ADORA2B: variants seen among roughly 807,000 people sequenced by gnomAD.
The protein encoded by ADORA2B is adenosine A2b receptor.
ADORA2B carries 18 observed loss-of-function variants against 20.8 expected under a neutral mutation model. The ratio of observed to expected loss-of-function variants is 0.87; its 90% CI spans 0.60 to 1.29. ADORA2B has a LOEUF of 1.29. Ranked by LOEUF, ADORA2B falls within the 50% of genes most tolerant of loss-of-function variation. The pLI, the probability that ADORA2B is intolerant of heterozygous loss-of-function variation, is 0.00. For missense variants in ADORA2B, 441 were observed against 422.7 expected, an observed-to-expected ratio of 1.04 and a Z score of -0.38; for synonymous variants, 179 against 178.3, an observed-to-expected ratio of 1.00 and a Z score of -0.03.
the ADORA2B span, among the ~76,000 whole-genome samples, chr17:15,910,104 G>C: frequency 6.6e-6 from 1 of 152,104 alleles, no homozygotes; most frequent in Non-Finnish European, 1.5e-5. Flanking sequence ...GCCTGTTAGC[G>C]CTCCTCTGAC....
chr17:15,885,643 G>A, the ADORA2B span, among the ~76,000 whole-genome samples: 1 of 151,932 alleles, frequency 6.6e-6, no homozygotes, highest in South Asian at 2.1e-4. Flanking sequence ...GAACCTGGGA[G>A]GCAGAGGTTG....
At chr17:15,851,679 G>T in the ADORA2B span, among the ~76,000 whole-genome samples, 1 of 152,142 alleles carries the variant, frequency 6.6e-6, no homozygotes, top group African/African-American at 2.4e-5. Flanking sequence ...TAAGGACTTT[G>T]GCAAATACAC....
the ADORA2B span, among the ~76,000 whole-genome samples, chr17:15,893,994 T>A: frequency 6.6e-6 from 1 of 152,218 alleles, no homozygotes; most frequent in African/African-American, 2.4e-5. Flanking sequence ...AAGTTTATTA[T>A]ATGAAAACAG....
At chr17:15,878,729 A>G in the ADORA2B span, among the ~76,000 whole-genome samples, 1 of 152,222 alleles carries the variant, frequency 6.6e-6, no homozygotes, top group African/African-American at 2.4e-5. Flanking sequence ...TCTGATGAAT[A>G]GTTTATCAAT....
rs1597842879 is a variant in ADORA2B at position 15,945,316 on chromosome 17, C to T, written c.68C>T (p.Ala23Val). ...CTGGTCATCGCCGCGCTTTCGGTGG[C>T]GGGCAACGTGCTGGTGTGCGCCGCG... is the stretch of plus-strand genomic sequence containing the variant. ...LELVIAALSV[A>V]GNVLVCAAVG... Residue 23 changes from alanine (A) to valine (V), a missense_variant, in exon 1 of 2, where the codon GCG becomes GTG. Physicochemically the swap from Ala to Val is moderately conservative, Grantham distance 64 (BLOSUM62 0). Transcript: ENST00000304222. The T allele has an allele frequency of 4.4e-6, 7 of 1,583,118 alleles. No homozygotes were observed. The highest frequency in any genetic ancestry group is 1.1e-5 in the South Asian group (1 of 88,102).
the ADORA2B span, among the ~76,000 whole-genome samples, chr17:15,884,631 G>A: frequency 2.0e-5 from 3 of 151,998 alleles, no homozygotes; most frequent in East Asian, 1.9e-4. Flanking sequence ...CCATGTGTTC[G>A]CATCATTCAA....
chr17:15,971,211 T>C (rs576559476), intron 1 of ADORA2B, among the ~76,000 whole-genome samples: 2 of 152,344 alleles, frequency 1.3e-5, no homozygotes, highest in African/African-American at 4.8e-5. Context: ...GTTCTGTGAT[T>C]CTTAGGACTC....
chr17:15,939,144 G>A, the ADORA2B span, among the ~76,000 whole-genome samples: 7 of 152,062 alleles, frequency 4.6e-5, no homozygotes, highest in East Asian at 1.9e-4. Flanking sequence ...GAGTTCAAGC[G>A]ATCCTCCTGC....
the ADORA2B span, among the ~76,000 whole-genome samples, chr17:15,861,465 A>G: frequency 6.6e-6 from 1 of 152,146 alleles, no homozygotes. Flanking sequence ...GCTAAGGAAG[A>G]GGTTTGTGCT....
At chr17:15,922,383 G>A in the ADORA2B span, among the ~76,000 whole-genome samples, 5 of 152,174 alleles carry the variant, frequency 3.3e-5, no homozygotes, top group Non-Finnish European at 7.3e-5. Context: ...AAGACACATT[G>A]CTATCAATAC....
chr17:15,927,734 G>C, the ADORA2B span, among the ~76,000 whole-genome samples: 1 of 152,216 alleles, frequency 6.6e-6, no homozygotes, highest in Non-Finnish European at 1.5e-5. Context: ...AGCCCAGCAA[G>C]GGCAGAGCAG....
chr17:15,935,865 A>G, the ADORA2B span, among the ~76,000 whole-genome samples: 1 of 127,398 alleles, frequency 7.8e-6, no homozygotes, highest in Non-Finnish European at 1.7e-5. Flanking sequence ...TTGTTATTGT[A>G]CTTTTTTTTT....
chr17:15,924,079 A>G, the ADORA2B span, among the ~76,000 whole-genome samples: 31 of 151,894 alleles, frequency 2.0e-4, 1 homozygote, highest in South Asian at 6.2e-4. Context: ...TACCCAGCTA[A>G]TGTTTATATT....
At chr17:15,913,714 A>T in the ADORA2B span, among the ~76,000 whole-genome samples, 7 of 152,206 alleles carry the variant, frequency 4.6e-5, no homozygotes, top group African/African-American at 1.7e-4. Flanking sequence ...AATATGCTAT[A>T]AAAAAATTTG....
the ADORA2B span, among the ~76,000 whole-genome samples, chr17:15,866,694 T>TCTGCCTCTGCCGCTGCCA: frequency 4.2e-5 from 6 of 143,792 alleles, no homozygotes; most frequent in African/African-American, 1.6e-4. Flanking sequence ...TCCCTCTGCC[T>TCTGCCTCTGCCGCTGCCA]CTGCCTCTGC....
chr17:15,899,185 G>A, the ADORA2B span, among the ~76,000 whole-genome samples: 3 of 151,722 alleles, frequency 2.0e-5, no homozygotes, highest in East Asian at 5.8e-4. Flanking sequence ...TGCCAAGATA[G>A]CACCACTGCA....
At chr17:15,902,935 T>C in the ADORA2B span, among the ~76,000 whole-genome samples, 1 of 152,252 alleles carries the variant, frequency 6.6e-6, no homozygotes, top group African/African-American at 2.4e-5. Flanking sequence ...CCATGGGGGC[T>C]TCTGGGATGC....
At position 15,945,451 on chromosome 17, in the gene ADORA2B, GC is replaced by G; in HGVS notation, c.205del (p.Leu69TrpfsTer70). 1 of 1,613,672 alleles carries G rather than the reference GC, an allele frequency of 6.2e-7. No individual in the cohort carries two copies. Reference sequence around the variant, plus strand: ...GCCATCCCCTTTGCCATCACCATCAGCCTGGGCTTCTGCACTGACTTCTACG... The same window carrying G: ...GCCATCCCCTTTGCCATCACCATCAGCTGGGCTTCTGCACTGACTTCTACG... Reference protein sequence around the residue: ...LFAIPFAITISLGFCTDFYGC... With the variant: ...LFAIPFAITIXLGFCTDFYGC... On this transcript the variant is annotated frameshift_variant, in exon 1 of 2. Coordinates refer to ENST00000304222, the MANE Select transcript of ADORA2B (RefSeq NM_000676.4). LOFTEE classifies it high-confidence loss of function.
chr17:15,962,793 C>T (rs1970057368), intron 1 of ADORA2B, among the ~76,000 whole-genome samples: 2 of 152,242 alleles, frequency 1.3e-5, no homozygotes, highest in African/African-American at 4.8e-5. Context: ...GCTGGGATTA[C>T]AGGCATGAGC....
Sources: gnomAD v4.1 joint callset for allele counts (sites outside exome capture counted in the v4.1 genomes callset) on GRCh38, gnomAD v4.1.1 for gene constraint, MANE v1.5 for transcripts, NCBI Gene and HGNC (gene_info 2026-07-23, HGNC 2026-07-21) for gene names.